The following NAPB variants were observed in gnomAD, a reference collection of about 807,000 sequenced individuals.
NAPB encodes NSF attachment protein beta.
In NAPB, 26 loss-of-function variants were observed where a neutral mutation model predicts 44.7. The observed-to-expected ratio is 0.58, with a 90% CI of 0.43 to 0.81. NAPB has a LOEUF of 0.81. NAPB is among the 30% of genes least tolerant of loss of function. The pLI is 0.00. For missense variants in NAPB, 315 were observed against 356.4 expected (o/e 0.88, Z 0.94); for synonymous variants, 120 against 116.8 (o/e 1.03, Z -0.18).
Position 23,392,805 on chromosome 20 carries a change from C to T in NAPB, c.420+2117G>A, listed in dbSNP as rs181242604. ...CCCAAAGTGGTAGGATTATAGGCAT[C>T]AGCCACTGTACCTGGCCTTTTTTTT... is the stretch of plus-strand genomic sequence containing the variant. On this transcript the variant is annotated intron_variant, in intron 5 of 10. Transcript: ENST00000377026. 6.6e-5 allele frequency among the ~76,000 whole-genome samples: 10 copies of T among 151,882 alleles called. No homozygotes were observed. In the East Asian group the frequency reaches 2.0e-3, roughly 30 times the overall value.
chr20:23,381,202 G>C lies in NAPB; in HGVS notation c.666+11C>G. The C allele has an allele frequency of 6.3e-7, 1 of 1,586,360 alleles. No homozygotes were observed. Among genetic ancestry groups the C allele is most frequent in the Non-Finnish European group, 8.7e-7 (1 of 1,154,982 alleles). ...GTGAAATCAGTCAATCAATGCTGAA[G>C]AACTCCTTACCTTGGCATTCAACTC... On this transcript the variant is annotated intron_variant, in intron 8 of 10. Transcript: ENST00000377026.
At position 23,379,652 on chromosome 20, in the gene NAPB, G is replaced by C. The variant is rs531254833; in HGVS notation, c.736-157C>G. 4.4e-6 allele frequency: 3 copies of C among 674,698 alleles called. No homozygotes were observed. In the Admixed American group the frequency reaches 9.2e-5, roughly 21 times the overall value. 41.8% of individuals were successfully genotyped at this position (674,698 alleles called of 1,614,324 possible). Reference sequence around the variant, plus strand: ...GAGCCAAGTTAGGGATCTAGCTTCTGTAGTAACATTTCTCAGGTGCCTATT... The same window carrying C: ...GAGCCAAGTTAGGGATCTAGCTTCTCTAGTAACATTTCTCAGGTGCCTATT... On this transcript the variant is annotated intron_variant, in intron 9 of 10. Transcript: ENST00000377026.
intron 5 of NAPB, 85 bp downstream of exon 5, chr20:23,394,837 A>G: frequency 1.5e-6 from 2 of 1,376,186 alleles, no homozygotes; most frequent in South Asian, 2.4e-5. Flanking sequence ...TACACCTACG[A>G]TCACTCTCAG....
chr20:23,408,187 AC>A (rs1199089646), intron 1 of NAPB, among the ~76,000 whole-genome samples: 1 of 152,184 alleles, frequency 6.6e-6, no homozygotes, highest in Non-Finnish European at 1.5e-5. Context: ...GTGTCAAGCC[AC>A]CCCAAAAGAC....
intron 7 of NAPB, among the ~76,000 whole-genome samples, chr20:23,388,628 A>G (rs1366800015): frequency 1.3e-5 from 2 of 152,228 alleles, no homozygotes; most frequent in Non-Finnish European, 2.9e-5. Flanking sequence ...ATAATTTTCA[A>G]TAAGGGTCTT....
At chr20:23,383,369 A>G (rs1414915533) in intron 7 of NAPB, among the ~76,000 whole-genome samples, 1 of 152,134 alleles carries the variant, frequency 6.6e-6, no homozygotes, top group Non-Finnish European at 1.5e-5. Context: ...CTAGAGAATA[A>G]CACCTTTTTT....
chr20:23,396,924 G>A, intron 3 of NAPB, 148 bp downstream of exon 3: 1 of 773,648 alleles, frequency 1.3e-6, no homozygotes, highest in Non-Finnish European at 1.9e-6. Context: ...AAATCCCTAA[G>A]GTTATCAAAA....
intron 2 of NAPB, among the ~76,000 whole-genome samples, chr20:23,402,454 A>C (rs980892417): frequency 6.6e-6 from 1 of 152,196 alleles, no homozygotes; most frequent in Non-Finnish European, 1.5e-5. Context: ...GCATTACTTT[A>C]AAAAATAACC....
At chr20:23,403,127 C>T in intron 1 of NAPB, 55 bp from the exon 2 acceptor site, 4 of 1,271,080 alleles carry the variant, frequency 3.1e-6, no homozygotes, top group Non-Finnish European at 4.5e-6. Context: ...TCTAATTCTC[C>T]CTCCCTCAAA....
intron 7 of NAPB, among the ~76,000 whole-genome samples, chr20:23,386,275 C>G (rs1024890314): frequency 6.6e-6 from 1 of 151,818 alleles, no homozygotes; most frequent in African/African-American, 2.4e-5. Flanking sequence ...AAAACAAATC[C>G]AAAGAAAACA....
chr20:23,403,448 CA>C (rs1555792382), intron 1 of NAPB, among the ~76,000 whole-genome samples: 1 of 152,060 alleles, frequency 6.6e-6, no homozygotes, highest in Non-Finnish European at 1.5e-5. Flanking sequence ...ACTGAAAATA[CA>C]AAAATTAGCT....
At chr20:23,396,618 T>C (rs1984385230) in intron 3 of NAPB, 1 of 152,222 alleles carries the variant, frequency 6.6e-6, no homozygotes, top group African/African-American at 2.4e-5. Context: ...ACCAAATGAA[T>C]ACTGTATGAA....
At chr20:23,411,033 C>T (rs1016519333) in intron 1 of NAPB, among the ~76,000 whole-genome samples, 1 of 152,016 alleles carries the variant, frequency 6.6e-6, no homozygotes, top group Non-Finnish European at 1.5e-5. Context: ...ACTATGAAAA[C>T]AGCCAAGAGA....
chr20:23,396,003 A>T (rs757502825), intron 3 of NAPB, among the ~76,000 whole-genome samples: 2 of 152,200 alleles, frequency 1.3e-5, no homozygotes, highest in Non-Finnish European at 2.9e-5. Flanking sequence ...TCCCTGTTAC[A>T]CCTTTTAAAA....
chr20:23,403,431 C>T (rs1405420832), intron 1 of NAPB, among the ~76,000 whole-genome samples: 2 of 152,084 alleles, frequency 1.3e-5, no homozygotes, highest in African/African-American at 4.8e-5. Context: ...GGTGAAACCC[C>T]ATCCCTACTG....
At chr20:23,405,325 GAGAAAGAA>G (rs57723772) in intron 1 of NAPB, among the ~76,000 whole-genome samples, 3 of 151,466 alleles carry the variant, frequency 2.0e-5, no homozygotes, top group Non-Finnish European at 4.4e-5. Flanking sequence ...GAGAGAGAGA[GAGAAAGAA>G]AGAAAGAGAA....
At chr20:23,389,873 CAG>C in intron 7 of NAPB, 71 bp downstream of exon 7, 2 of 1,337,314 alleles carry the variant, frequency 1.5e-6, no homozygotes, top group Non-Finnish European at 2.1e-6. Flanking sequence ...TCTCAATAAA[CAG>C]AAAAATAAAA....
chr20:23,395,250 G>A, intron 3 of NAPB, 65 bp from the exon 4 acceptor site: 1 of 1,556,440 alleles, frequency 6.4e-7, no homozygotes, highest in Non-Finnish European at 8.8e-7. Flanking sequence ...TTCAGGTGAG[G>A]CTGTCTTCCT....
At chr20:23,402,551 G>A (rs1048984565) in intron 2 of NAPB, among the ~76,000 whole-genome samples, 4 of 151,982 alleles carry the variant, frequency 2.6e-5, no homozygotes, top group African/African-American at 4.8e-5. Context: ...CAGTTATTGC[G>A]TAGCAGGGAA....
Sources: allele counts gnomAD v4.1 joint callset (sites outside exome capture counted in the v4.1 genomes callset), GRCh38; gene constraint gnomAD v4.1.1; transcripts MANE v1.5; gene names NCBI Gene and HGNC (gene_info 2026-07-23, HGNC 2026-07-21).